ATP6AP2: variants seen among roughly 807,000 people sequenced by gnomAD.
ATP6AP2 encodes the protein ATPase H+ transporting accessory protein 2, also known as renin receptor.
Under a neutral mutation model 23.4 loss-of-function variants are expected in ATP6AP2, and 1 was observed. The observed-to-expected ratio is 0.04, with a 90% CI of 0.02 to 0.20. The LOEUF (loss-of-function observed/expected upper bound fraction) is 0.20, where lower values mean the gene tolerates loss of function less well. Ranked by LOEUF, ATP6AP2 falls within the 10% of genes least tolerant of loss-of-function variation. The pLI, the probability that ATP6AP2 is intolerant of heterozygous loss-of-function variation, is 1.00. For missense variants in ATP6AP2, 174 were observed against 271.3 expected (o/e 0.64, Z 2.52); for synonymous variants, 90 against 97.1 (o/e 0.93, Z 0.43).
intron 7 of ATP6AP2, 180 bp downstream of exon 7, chrX:40,599,921 C>T (rs1926864622): frequency 4.1e-6 from 2 of 491,200 alleles, no homozygotes. Flanking sequence ...TATATTTCTT[C>T]CTAATGCTAG....
In ATP6AP2 at chrX:40,606,349, A is replaced by G. The variant is rs904192426; in HGVS notation, c.*594A>G. Reference sequence around the variant, plus strand: ...CTCTTCTGCAAGTTTGTTGACCTACATGGGCTAATATGGATACTAAAAATA... The same window carrying G: ...CTCTTCTGCAAGTTTGTTGACCTACGTGGGCTAATATGGATACTAAAAATA... On this transcript the variant is annotated 3_prime_UTR_variant, in exon 9 of 9. Coordinates refer to ENST00000636580, the MANE Select transcript of ATP6AP2 (RefSeq NM_005765.3). The G allele has an allele frequency of 4.4e-5, 5 of 113,318 alleles. No individual in the cohort carries two copies. The highest frequency in any genetic ancestry group is 1.6e-4 in the African/African-American group (5 of 30,890). The allele number at this position is 113,318 out of a possible 1,213,427, so 9.3% of individuals were successfully genotyped here. A position where few individuals can be genotyped will look rare whatever the true frequency, so the allele number is the denominator to read the frequency against.
At chrX:40,597,803 G>A in intron 5 of ATP6AP2, 139 bp downstream of exon 5, 1 of 662,817 alleles carries the variant, frequency 1.5e-6, no homozygotes, top group Non-Finnish European at 2.3e-6. Context: ...CTCCCAAAGT[G>A]CTGGGATCAC....
At chrX:40,597,160 G>A in intron 3 of ATP6AP2, 89 bp from the exon 4 acceptor site, 1 of 762,228 alleles carries the variant, frequency 1.3e-6, no homozygotes. Context: ...CTGGAAAAAA[G>A]TTTAAGGCTT....
At chrX:40,591,185 G>A in intron 2 of ATP6AP2, 49 bp from the exon 3 acceptor site, 1 of 1,206,269 alleles carries the variant, frequency 8.3e-7, no homozygotes, top group Non-Finnish European at 1.1e-6. Flanking sequence ...TGGGGAGGTG[G>A]GTTCCTGAGT....
At chrX:40,590,982 A>G (rs1926612016) in intron 2 of ATP6AP2, 1 of 329,311 alleles carries the variant, frequency 3.0e-6, no homozygotes, top group South Asian at 4.9e-5. Context: ...TTTTTTCCAC[A>G]AAAGGTGTCA....
intron 3 of ATP6AP2, 79 bp downstream of exon 3, chrX:40,591,444 A>T (rs769861817): frequency 1.2e-4 from 121 of 1,038,273 alleles, no homozygotes; most frequent in Middle Eastern, 2.8e-4. Flanking sequence ...TTGCATTCTA[A>T]ACATACTTCT....
intron 8 of ATP6AP2, chrX:40,605,251 A>G (rs911430126): frequency 7.9e-6 from 2 of 252,273 alleles, no homozygotes; most frequent in South Asian, 6.6e-5. Context: ...ATTCTTATAC[A>G]TGTCTCTTGG....
At chrX:40,582,185 T>G (rs1569257907) in intron 1 of ATP6AP2, among the ~76,000 whole-genome samples, 2 of 111,706 alleles carry the variant, frequency 1.8e-5, no homozygotes, top group Non-Finnish European at 3.8e-5. Context: ...CCCGGCACTT[T>G]GGGAGGCCGA....
At position 40,605,953 on chromosome X, in the gene ATP6AP2, G is replaced by C; in HGVS notation, c.*198G>C. ...TTGACGTGAATCCCACTGTGGTATA[G>C]ATTCCATAATATGCTTGAATATTAT... On this transcript the variant is annotated 3_prime_UTR_variant, in exon 9 of 9. Transcript: ENST00000636580. 2.5e-6 allele frequency: 1 copy of C among 405,835 alleles called. No individual in the cohort carries two copies. The highest frequency in any genetic ancestry group is 2.5e-5 in the African/African-American group (1 of 40,430). The allele number at this position is 405,835 out of a possible 1,213,427, so 33.4% of individuals were successfully genotyped here. A position where few individuals can be genotyped will look rare whatever the true frequency, so the allele number is the denominator to read the frequency against.
In ATP6AP2 at chrX:40,589,081, G is replaced by A; in HGVS notation, c.133G>A (p.Val45Met). The A allele has an allele frequency of 8.3e-7, 1 of 1,210,127 alleles. No individual in the cohort carries two copies. The highest frequency in any genetic ancestry group is 1.1e-6 in the Non-Finnish European group (1 of 894,864). The part of the protein sequence containing the change: ...WPIPGERIPD[V>M]AALSMGFSVK... ...TATACCAGGAGAGCGGATCCCAGAC[G>A]TGGCTGCATTGTCCATGGGCTTCTC... Residue 45 changes from valine to methionine, a missense_variant, in exon 2 of 9, where the codon GTG (valine) becomes ATG (methionine). Val to Met is a conservative substitution (Grantham distance 21). Coordinates refer to ENST00000636580, the MANE Select transcript of ATP6AP2 (RefSeq NM_005765.3).
At chrX:40,589,298 C>T in intron 2 of ATP6AP2, 182 bp downstream of exon 2, 3 of 496,712 alleles carry the variant, frequency 6.0e-6, no homozygotes, top group East Asian at 4.0e-5. Flanking sequence ...TCTGGGAGGC[C>T]GAGGTGGGAG....
intron 1 of ATP6AP2, 68 bp downstream of exon 1, chrX:40,581,170 G>A: frequency 2.0e-6 from 2 of 1,013,188 alleles, no homozygotes; most frequent in African/African-American, 2.0e-5. Context: ...GGGGTCGGGG[G>A]CGGCCGCGGG....
intron 6 of ATP6AP2, chrX:40,599,349 C>T (rs1372382911): frequency 2.7e-6 from 1 of 375,760 alleles, no homozygotes; most frequent in Non-Finnish European, 4.7e-6. Context: ...TTGTTGAAAG[C>T]TTTTATTAAA....
At position 40,583,198 on chromosome X, in the gene ATP6AP2, A is replaced by G. The variant is rs746412643; in HGVS notation, c.37+2096A>G. ...GAGAAGAAAGGCCAAGGGTGAACAC[A>G]TGGAATTTGAAGTGATGTCATGTAG... On this transcript the variant is annotated intron_variant, in intron 1 of 8. Coordinates refer to ENST00000636580, the MANE Select transcript of ATP6AP2 (RefSeq NM_005765.3). Among the ~76,000 whole-genome samples, 35 of 112,138 alleles carry G rather than the reference A, an allele frequency of 3.1e-4. No individual in the cohort carries two copies. In the South Asian group the frequency reaches 0.012, roughly 38 times the overall value.
intron 3 of ATP6AP2, among the ~76,000 whole-genome samples, chrX:40,595,637 G>A (rs767764657): frequency 1.8e-4 from 20 of 111,887 alleles, no homozygotes; most frequent in African/African-American, 5.8e-4. Flanking sequence ...AGGCTGGAAA[G>A]TTTGCATCAT....
intron 1 of ATP6AP2, 113 bp downstream of exon 1, chrX:40,581,215 C>G (rs1569257739): frequency 4.9e-6 from 4 of 810,000 alleles, no homozygotes; most frequent in Admixed American, 5.7e-5. Context: ...CAGTGCGGTC[C>G]GTCAGCGGCG....
rs767246367 is a variant in ATP6AP2 at position 40,600,743 on chromosome X, G to A, written c.739-19G>A. On this transcript the variant is annotated intron_variant, in intron 7 of 8. Transcript: ENST00000636580. ...GTACATAGTTGAGATTCCCAATAAT[G>A]TTAATAACTAACTTTCAGTTTGCAG... is the stretch of plus-strand genomic sequence containing the variant. 1.7e-6 allele frequency: 2 copies of A among 1,193,809 alleles called. No homozygotes were observed. Among genetic ancestry groups the A allele is most frequent in the African/African-American group, 3.5e-5 (2 of 56,757 alleles).
At chrX:40,598,337 T>C (rs1926825528) in intron 5 of ATP6AP2, 2 of 245,987 alleles carry the variant, frequency 8.1e-6, no homozygotes, top group Admixed American at 1.2e-4. Flanking sequence ...TCAAGGGAAG[T>C]GAGCAAACTG....
chrX:40,606,307 A>G lies in ATP6AP2; in HGVS notation c.*552A>G, dbSNP rs1041457894. The stretch of plus-strand genomic sequence containing the variant: ...TGGAACTGTATCTGAGTAACAGAGG[A>G]CAGCTGTTTTTTAACCCTCTTCTGC... On this transcript the variant is annotated 3_prime_UTR_variant, in exon 9 of 9. Transcript: ENST00000636580. The G allele has an allele frequency of 8.8e-6, 1 of 114,109 alleles. No homozygotes were observed. Among genetic ancestry groups the G allele is most frequent in the African/African-American group, 3.3e-5 (1 of 30,741 alleles). 9.4% of individuals were successfully genotyped at this position (114,109 alleles called of 1,213,427 possible). A position where few individuals can be genotyped will look rare whatever the true frequency, so the allele number is the denominator to read the frequency against.
Sources: allele counts gnomAD v4.1 joint callset (sites outside exome capture counted in the v4.1 genomes callset), GRCh38; gene constraint gnomAD v4.1.1; transcripts MANE v1.5; gene names NCBI Gene and HGNC (gene_info 2026-07-23, HGNC 2026-07-21).